The following TULP4 variants were observed in gnomAD, a reference collection of about 807,000 sequenced individuals.
TULP4 encodes the protein tubby-related protein 4.
A neutral mutation model predicts 129.0 loss-of-function variants in TULP4; 16 were observed. The ratio of observed to expected loss-of-function variants is 0.12; its 90% CI spans 0.08 to 0.19. TULP4 has a LOEUF of 0.19. Among genes scored for constraint, TULP4 ranks in the 10% least tolerant of loss-of-function variants. The pLI is 1.00. For synonymous variants in TULP4, 998 were observed against 854.0 expected, an observed-to-expected ratio of 1.17 and a Z score of -2.94; for missense variants, 1,842 against 2,059.1, an observed-to-expected ratio of 0.89 and a Z score of 2.04.
chr6:158,261,532 A>G lies in TULP4; in HGVS notation n.68+29229A>G, dbSNP rs117949492. Among the ~76,000 whole-genome samples, 1,034 of 152,354 alleles carry G rather than the reference A, an allele frequency of 6.8e-3. 9 individuals are homozygous for G. The highest frequency in any genetic ancestry group is 0.012 in the Non-Finnish European group (823 of 68,028). ...GTAAATGTCTTGGGCTTCAAGGGTA[A>G]GATCCAATTATTCAAATACTTAATG... On this transcript the variant is annotated intron_variant and non_coding_transcript_variant, in intron 1 of 1. Transcript: ENST00000620026.
At chr6:158,469,923 C>T (rs932001987) in intron 6 of TULP4, among the ~76,000 whole-genome samples, 1 of 151,962 alleles carries the variant, frequency 6.6e-6, no homozygotes, top group Admixed American at 6.6e-5. Context: ...TCCAGAATGG[C>T]GGCGGGCCAC....
intron 1 of TULP4, among the ~76,000 whole-genome samples, chr6:158,296,950 C>T (rs138141736): frequency 7.9e-4 from 120 of 152,310 alleles, no homozygotes; most frequent in South Asian, 1.0e-3. Context: ...CAGCAGTGCA[C>T]GTATTATCTT....
chr6:158,503,857 G>A lies in TULP4; in HGVS notation c.4194G>A (p.Lys1398=). The change falls in exon 13 of 14, where the codon AAG becomes AAA. Residue 1398 remains lysine (K), a synonymous_variant. Transcript: ENST00000367097. The surrounding 1 kb of genome is among the most constrained non-coding windows in gnomAD (Gnocchi z 4.3). ...KDQLKSKKLN[K]TNEFQDSSES... is the part of the protein sequence containing the mutation. The stretch of plus-strand genomic sequence containing the variant: ...AACTGAAGTCAAAGAAGTTGAATAA[G>A]ACAAACGAGTTCCAGGACAGCTCCG... 6.2e-7 allele frequency: 1 copy of A among 1,614,118 alleles called. No individual in the cohort carries two copies. The highest frequency in any genetic ancestry group is 8.5e-7 in the Non-Finnish European group (1 of 1,180,038).
At chr6:158,319,339 A>G (rs552024895) in intron 1 of TULP4, among the ~76,000 whole-genome samples, 1 of 152,198 alleles carries the variant, frequency 6.6e-6, no homozygotes, top group African/African-American at 2.4e-5. Context: ...ATTTAAGGGA[A>G]TCATCAAAAG....
chr6:158,304,387 T>A (rs900449674), intron 1 of TULP4, among the ~76,000 whole-genome samples: 1 of 152,206 alleles, frequency 6.6e-6, no homozygotes, highest in Admixed American at 6.5e-5. Flanking sequence ...TGTACTGATA[T>A]ACAGGAATGT....
At chr6:158,280,120 G>GTGAATGTT (rs559138718), upstream of TULP4, among the ~76,000 whole-genome samples, 2,638 of 152,158 alleles carry the variant, frequency 0.017, 31 homozygotes, top group Non-Finnish European at 0.024. Flanking sequence ...ATTTATCAAC[G>GTGAATGTT]TGAATGTTGA....
intron 1 of TULP4, among the ~76,000 whole-genome samples, chr6:158,247,745 T>C (rs960904353): frequency 3.3e-5 from 5 of 152,192 alleles, no homozygotes; most frequent in African/African-American, 1.2e-4. Context: ...TTTACCTCCA[T>C]GGGGAAATGC....
chr6:158,331,745 G>GTA lies in TULP4; in HGVS notation c.252+17478_252+17479insAT, dbSNP rs1562523255. Among the ~76,000 whole-genome samples, 6 of 15,738 alleles carry GTA rather than the reference G, an allele frequency of 3.8e-4. 1 individual carries two copies. Among genetic ancestry groups the GTA allele is most frequent in the Admixed American group, 2.1e-3 (2 of 934 alleles). The allele number at this position is 15,738 out of a possible 152,430, so 10.3% of individuals were successfully genotyped here. A position where few individuals can be genotyped will look rare whatever the true frequency, so the allele number is the denominator to read the frequency against. On this transcript the variant is annotated intron_variant, in intron 1 of 13. Coordinates refer to ENST00000367097, the MANE Select transcript of TULP4 (RefSeq NM_020245.5). ...CACACACACATACGTATATATATAC[G>GTA]TGTATATACACGTGTATATATACAC...
chr6:158,399,110 G>GGAT (rs1777786830), intron 1 of TULP4, among the ~76,000 whole-genome samples: 6 of 152,310 alleles, frequency 3.9e-5, no homozygotes, highest in Non-Finnish European at 7.3e-5. Context: ...AAATCCTAAT[G>GGAT]TAGTGAGGAG....
chr6:158,435,238 A>C (rs1029677507), intron 3 of TULP4, among the ~76,000 whole-genome samples: 4 of 152,168 alleles, frequency 2.6e-5, no homozygotes, highest in African/African-American at 9.7e-5. Context: ...GGTCAAGCAA[A>C]GATGAGTATC....
Position 158,236,795 on chromosome 6 carries a change from C to CTTTTCTTTT in TULP4, n.68+4496_68+4497insCTTTTTTTT, listed in dbSNP as rs1554272522. 5.2e-3 allele frequency among the ~76,000 whole-genome samples: 328 copies of CTTTTCTTTT among 63,316 alleles called. 59 individuals carry two copies. Among genetic ancestry groups the CTTTTCTTTT allele is most frequent in the Non-Finnish European group, 8.6e-3 (277 of 32,244 alleles). 41.5% of individuals were successfully genotyped at this position (63,316 alleles called of 152,430 possible). A position where few individuals can be genotyped will look rare whatever the true frequency, so the allele number is the denominator to read the frequency against. ...AGATGGGTAAATGCCCAATTCTTTT[C>CTTTTCTTTT]TTTTTTTTTTTTTTTTTTTTTTTTT... On this transcript the variant is annotated intron_variant and non_coding_transcript_variant, in intron 1 of 1. Coordinates refer to the TULP4 transcript ENST00000620026.
chr6:158,482,995 A>T (rs1779982301), intron 8 of TULP4, among the ~76,000 whole-genome samples: 1 of 152,326 alleles, frequency 6.6e-6, no homozygotes, highest in Non-Finnish European at 1.5e-5. Context: ...AAGATGTTGT[A>T]TTTTTATAAT....
chr6:158,252,409 T>A lies in TULP4; in HGVS notation n.68+20106T>A, dbSNP rs138648099. Among the ~76,000 whole-genome samples the A allele has an allele frequency of 2.7e-3, 410 of 152,082 alleles. 2 individuals are homozygous for A. The highest frequency in any genetic ancestry group is 0.02 in the Middle Eastern group (6 of 294). ...TTTACTTTTTTAGGTGGAGTCTCGC[T>A]CTGTCACCCAGGCTGGAGTGCAGTG... On this transcript the variant is annotated intron_variant and non_coding_transcript_variant, in intron 1 of 1. Transcript: ENST00000620026.
intron 1 of TULP4, among the ~76,000 whole-genome samples, chr6:158,293,315 G>A (rs1778976426): frequency 6.6e-6 from 1 of 152,210 alleles, no homozygotes; most frequent in African/African-American, 2.4e-5. Flanking sequence ...CAAGTGGCTG[G>A]TGTTGACCTG....
At chr6:158,322,047 C>G (rs540187926) in intron 1 of TULP4, among the ~76,000 whole-genome samples, 1 of 152,224 alleles carries the variant, frequency 6.6e-6, no homozygotes, top group Non-Finnish European at 1.5e-5. Context: ...GTCCACCTCA[C>G]TGTGCATAGT....
chr6:158,505,294 A>G (rs1780575196), intron 13 of TULP4, among the ~76,000 whole-genome samples: 1 of 151,544 alleles, frequency 6.6e-6, no homozygotes, highest in Non-Finnish European at 1.5e-5. Flanking sequence ...AATAAATGTT[A>G]TTGAGAACCT....
intron 11 of TULP4, among the ~76,000 whole-genome samples, chr6:158,497,370 GTTTTC>G (rs919968706): frequency 1.3e-5 from 2 of 152,088 alleles, no homozygotes; most frequent in South Asian, 2.1e-4. Context: ...TGGATAATTT[GTTTTC>G]TTTAATTAGA....
At chr6:158,475,075 C>T (rs990900896) in intron 6 of TULP4, among the ~76,000 whole-genome samples, 8 of 152,344 alleles carry the variant, frequency 5.3e-5, no homozygotes, top group Non-Finnish European at 1.2e-4. Flanking sequence ...ATTGGCTGGA[C>T]GCATGGCATG....
chr6:158,259,143 T>C (rs1415222407), intron 1 of TULP4, among the ~76,000 whole-genome samples: 2 of 152,212 alleles, frequency 1.3e-5, no homozygotes, highest in Non-Finnish European at 2.9e-5. Context: ...GACAGGATAA[T>C]CGCTTGAACC....
Sources: gnomAD v4.1 joint callset for allele counts (sites outside exome capture counted in the v4.1 genomes callset) on GRCh38, gnomAD v4.1.1 for gene constraint, Gnocchi (gnomAD v3.1) non-coding constraint, MANE v1.5 for transcripts, NCBI Gene and HGNC (gene_info 2026-07-23, HGNC 2026-07-21) for gene names.